Variants in AGAP1 observed in about 807,000 individuals in gnomAD.
AGAP1 encodes arf-GAP with GTPase, ANK repeat and PH domain-containing protein 1.
In AGAP1, 29 loss-of-function variants were observed where a neutral mutation model predicts 105.3. The observed-to-expected ratio is 0.28, with a 90% confidence interval of 0.21 to 0.38. The LOEUF is 0.38. Among genes scored for constraint, AGAP1 ranks in the 10% least tolerant of loss-of-function variants. The pLI, the probability that AGAP1 is intolerant of heterozygous loss-of-function variation, is 1.00. For synonymous variants in AGAP1, 509 were observed against 485.9 expected (o/e 1.05, Z -0.63); for missense variants, 998 against 1,165.1 (o/e 0.86, Z 2.09).
chr2:235,790,444 C>G (rs1348329168), intron 6 of AGAP1, among the ~76,000 whole-genome samples: 2 of 152,162 alleles, frequency 1.3e-5, no homozygotes, highest in Non-Finnish European at 2.9e-5. Context: ...CCCTGAGGCT[C>G]TTTCCCAGCC....
intron 15 of AGAP1, among the ~76,000 whole-genome samples, chr2:236,048,127 C>A (rs1407730689): frequency 2.0e-5 from 3 of 152,142 alleles, no homozygotes; most frequent in African/African-American, 4.8e-5. Context: ...ATTGCCTATT[C>A]CCAGGTGAGT....
chr2:236,034,243 C>G (rs58441502), intron 13 of AGAP1, among the ~76,000 whole-genome samples: 1 of 151,872 alleles, frequency 6.6e-6, no homozygotes, highest in Non-Finnish European at 1.5e-5. Context: ...CCAGTACTTG[C>G]ACGATATCAT....
chr2:235,627,577 C>T (rs1172980744), intron 1 of AGAP1, among the ~76,000 whole-genome samples: 1 of 152,130 alleles, frequency 6.6e-6, no homozygotes, highest in African/African-American at 2.4e-5. Flanking sequence ...AGCGTCTGAT[C>T]GTCTTGGTAC....
intron 1 of AGAP1, among the ~76,000 whole-genome samples, chr2:235,607,994 C>T (rs1005317156): frequency 2.0e-5 from 3 of 152,180 alleles, no homozygotes; most frequent in Non-Finnish European, 2.9e-5. Context: ...CTCAAGTGAG[C>T]GAGTGCCTGC....
rs1960743375 is a variant in AGAP1, at chr2:235,840,800, G to A, written c.1050+33469G>A. ...TTTTTTTTATAAATGAGGGACACTT[G>A]TGCTGAAGGTATGTATTTGGGAATC... On this transcript the variant is annotated intron_variant, in intron 9 of 17. Coordinates refer to ENST00000304032, the MANE Select transcript of AGAP1 (RefSeq NM_001037131.3). Among the ~76,000 whole-genome samples, 2 of 150,008 alleles carry A rather than the reference G, an allele frequency of 1.3e-5. 1 individual carries two copies. The highest frequency in any genetic ancestry group is 1.3e-4 in the Admixed American group (2 of 15,046).
chr2:235,501,842 G>A (rs1435643436), intron 1 of AGAP1, among the ~76,000 whole-genome samples: 10 of 152,068 alleles, frequency 6.6e-5, no homozygotes, highest in African/African-American at 9.7e-5. Flanking sequence ...CTGGCAAAGC[G>A]GATGAGGCTT....
chr2:235,996,282 G>A (rs376440569), intron 13 of AGAP1, among the ~76,000 whole-genome samples: 2 of 152,132 alleles, frequency 1.3e-5, no homozygotes, highest in South Asian at 2.1e-4. Context: ...GTGGAAACCC[G>A]TCCACTGCCC....
intron 6 of AGAP1, among the ~76,000 whole-genome samples, chr2:235,796,628 G>T (rs1356602473): frequency 6.6e-6 from 1 of 152,084 alleles, no homozygotes; most frequent in Non-Finnish European, 1.5e-5. Context: ...AAACCCATAG[G>T]CTGTGGACAA....
Position 235,889,722 on chromosome 2 carries a change from A to C in AGAP1, c.1155+6273A>C, listed in dbSNP as rs1368050663. Among the ~76,000 whole-genome samples the C allele has an allele frequency of 6.6e-6, 1 of 151,954 alleles. No individual in the cohort carries two copies. Among genetic ancestry groups the C allele is most frequent in the Non-Finnish European group, 1.5e-5 (1 of 67,998 alleles). On this transcript the variant is annotated intron_variant, in intron 10 of 17. Transcript: ENST00000304032. The surrounding 1 kb of genome is among the most constrained non-coding windows in gnomAD (Gnocchi z 4.6). Reference sequence around the variant, plus strand: ...CCACAGATAGAAGATATGGAGGGAAACCTTTTTCTCCAGGTCTGTTTCATG... The same window carrying C: ...CCACAGATAGAAGATATGGAGGGAACCCTTTTTCTCCAGGTCTGTTTCATG...
chr2:235,948,101 T>C (rs1030758704), intron 12 of AGAP1, among the ~76,000 whole-genome samples: 9 of 150,542 alleles, frequency 6.0e-5, no homozygotes, highest in African/African-American at 2.0e-4. Flanking sequence ...TTTACCTGTT[T>C]TACCTGTTCC....
At chr2:235,944,955 G>A (rs1287773557) in intron 12 of AGAP1, among the ~76,000 whole-genome samples, 3 of 152,192 alleles carry the variant, frequency 2.0e-5, no homozygotes, top group East Asian at 1.9e-4. Context: ...CCTGGGGGAC[G>A]GTGGTATCGT....
chr2:235,764,363 T>A (rs1954735768), intron 6 of AGAP1, among the ~76,000 whole-genome samples: 1 of 151,472 alleles, frequency 6.6e-6, no homozygotes, highest in Non-Finnish European at 1.5e-5. Flanking sequence ...CTTCAGCCCC[T>A]CCCCGTTGCC....
At position 236,085,173 on chromosome 2, in the gene AGAP1, G is replaced by T. The variant is rs1324216646; in HGVS notation, c.2115-35019G>T. Among the ~76,000 whole-genome samples the T allele has an allele frequency of 2.2e-5, 3 of 134,346 alleles. No homozygotes were observed. The South Asian group carries it at 6.8e-4, about 31-fold the overall frequency. The allele number at this position is 134,346 out of a possible 152,430, so 88.1% of individuals were successfully genotyped here. On this transcript the variant is annotated intron_variant, in intron 16 of 17. Transcript: ENST00000304032. ...GGAGGTCGCAGTGAGCCAAGATTGT[G>T]CCACTGCACTCCAGCCTGGGCGACA...
chr2:235,540,314 G>A (rs1489365318), intron 1 of AGAP1, among the ~76,000 whole-genome samples: 1 of 151,984 alleles, frequency 6.6e-6, no homozygotes, highest in Admixed American at 6.6e-5. Flanking sequence ...CCAACGCCTG[G>A]CTAATTTTTG....
In AGAP1 at chr2:236,120,497, C is replaced by T; in HGVS notation, c.2370+50C>T. ...AGGACGGGGCCACAGGAGGCACTCT[C>T]TGCTTTGTTCTGCTTCCGTGGGCAT... On this transcript the variant is annotated intron_variant, in intron 17 of 17. Transcript: ENST00000304032. This position sits in a 1 kb window ranked among gnomAD's most constrained non-coding sequence, Gnocchi z 6.0. 3.1e-6 allele frequency: 5 copies of T among 1,600,434 alleles called. No homozygotes were observed. The highest frequency in any genetic ancestry group is 4.3e-6 in the Non-Finnish European group (5 of 1,174,952).
At position 236,001,463 on chromosome 2, in the gene AGAP1, C is replaced by T. The variant is rs897764387; in HGVS notation, c.1645+32840C>T. On this transcript the variant is annotated intron_variant, in intron 13 of 17. Transcript: ENST00000304032. This position sits in a 1 kb window ranked among gnomAD's most constrained non-coding sequence, Gnocchi z 4.7. Reference sequence around the variant, plus strand: ...GTTAACGTTGAAAATTTCCCTCTGGCGGCTGGGCAGAGTGGGCTGCAGGGG... The same window carrying T: ...GTTAACGTTGAAAATTTCCCTCTGGTGGCTGGGCAGAGTGGGCTGCAGGGG... Among the ~76,000 whole-genome samples, 1 of 152,144 alleles carries T rather than the reference C, an allele frequency of 6.6e-6. No individual in the cohort carries two copies. Among genetic ancestry groups the T allele is most frequent in the Admixed American group, 6.5e-5 (1 of 15,282 alleles).
At chr2:235,831,002 G>A (rs1216597757) in intron 9 of AGAP1, among the ~76,000 whole-genome samples, 5 of 152,164 alleles carry the variant, frequency 3.3e-5, no homozygotes, top group Admixed American at 2.6e-4. Context: ...CTGGGAAGCC[G>A]TTGTACGGGG....
rs1553609552 is a variant in AGAP1 at position 235,702,934 on chromosome 2, G to GTGTTTTTTTTTTTTTTTTTTTTTTT, written c.164-6244_164-6243insGTTTTTTTTTTTTTTTTTTTTTTTT. Among the ~76,000 whole-genome samples the GTGTTTTTTTTTTTTTTTTTTTTTTT allele has an allele frequency of 2.7e-3, 240 of 88,920 alleles. 9 individuals carry two copies. Among genetic ancestry groups the GTGTTTTTTTTTTTTTTTTTTTTTTT allele is most frequent in the Middle Eastern group, 0.015 (2 of 136 alleles). The allele number at this position is 88,920 out of a possible 152,430, so 58.3% of individuals were successfully genotyped here. Reference sequence around the variant, plus strand: ...TGGTCACTGTGAGCCAGTTTTCTTGGTTTTTTTTTTTTGGACAGAGTCTGG... The same window carrying GTGTTTTTTTTTTTTTTTTTTTTTTT: ...TGGTCACTGTGAGCCAGTTTTCTTGGTGTTTTTTTTTTTTTTTTTTTTTTTTTTTTTTTTTTTGGACAGAGTCTGG... On this transcript the variant is annotated intron_variant, in intron 1 of 17. Transcript: ENST00000304032.
Position 236,055,451 on chromosome 2 carries a change from G to A in AGAP1, c.2114+6170G>A, listed in dbSNP as rs2058025380. On this transcript the variant is annotated intron_variant, in intron 16 of 17. Transcript: ENST00000304032. The surrounding 1 kb of genome is among the most constrained non-coding windows in gnomAD (Gnocchi z 6.2). ...CAATATAAATTATCATGTGAACGCT[G>A]TGGTTTTTCTATTTGACAGGCTTAA... Among the ~76,000 whole-genome samples, 1 of 152,256 alleles carries A rather than the reference G, an allele frequency of 6.6e-6. No individual in the cohort carries two copies. Among genetic ancestry groups the A allele is most frequent in the Non-Finnish European group, 1.5e-5 (1 of 68,046 alleles).
Sources: allele counts gnomAD v4.1 joint callset (sites outside exome capture counted in the v4.1 genomes callset), GRCh38; gene constraint gnomAD v4.1.1; non-coding constraint Gnocchi (gnomAD v3.1); transcripts MANE v1.5; gene names NCBI Gene and HGNC (gene_info 2026-07-23, HGNC 2026-07-21).